RIMS2: variants seen among roughly 807,000 people sequenced by gnomAD.
RIMS2 encodes the protein regulating synaptic membrane exocytosis 2.
Under a neutral mutation model 174.4 loss-of-function variants are expected in RIMS2, and 59 were observed. The ratio of observed to expected loss-of-function variants is 0.34; its 90% CI spans 0.27 to 0.42. RIMS2 has a LOEUF of 0.42. RIMS2 is among the 10% of genes least tolerant of loss of function. The pLI, the probability that RIMS2 is intolerant of heterozygous loss-of-function variation, is 1.00. For missense variants in RIMS2, 1,620 were observed against 1,666.3 expected (o/e 0.97, Z 0.48); for synonymous variants, 606 against 572.5 (o/e 1.06, Z -0.84).
intron 1 of RIMS2, among the ~76,000 whole-genome samples, chr8:103,553,158 G>A (rs1466434945): frequency 6.6e-6 from 1 of 152,008 alleles, no homozygotes; most frequent in African/African-American, 2.4e-5. Context: ...TGTGTTTATT[G>A]TGGCACTATT....
chr8:103,989,393 G>A (rs779511583), exon 17 of RIMS2: 1 of 1,604,568 alleles, frequency 6.2e-7, no homozygotes, highest in South Asian at 1.1e-5. Context: ...TCGTGTCATG[G>A]ATGACCATTA....
At chr8:104,205,510 T>C (rs957886865) in intron 19 of RIMS2, among the ~76,000 whole-genome samples, 4 of 151,962 alleles carry the variant, frequency 2.6e-5, no homozygotes, top group Non-Finnish European at 4.4e-5. Flanking sequence ...TGTGTGTGTG[T>C]GCGCGCACAT....
chr8:103,640,056 ATTTG>A (rs2096192317), intron 1 of RIMS2, among the ~76,000 whole-genome samples: 1 of 151,728 alleles, frequency 6.6e-6, no homozygotes, highest in Non-Finnish European at 1.5e-5. Flanking sequence ...TTTGGTATGT[ATTTG>A]TTTGGTTTAT....
At chr8:103,872,202 C>T (rs182986262) in intron 3 of RIMS2, among the ~76,000 whole-genome samples, 59 of 152,312 alleles carry the variant, frequency 3.9e-4, no homozygotes, top group Non-Finnish European at 6.9e-4. Flanking sequence ...AGACTCTTGG[C>T]TCCAGCAGCC....
At chr8:104,047,044 A>G (rs961442482) in intron 19 of RIMS2, among the ~76,000 whole-genome samples, 1 of 152,082 alleles carries the variant, frequency 6.6e-6, no homozygotes, top group Admixed American at 6.6e-5. Context: ...CTTAAGCTCA[A>G]TTTACTAAAG....
intron 4 of RIMS2, among the ~76,000 whole-genome samples, chr8:103,904,533 G>A (rs1368442265): frequency 6.6e-6 from 1 of 151,854 alleles, no homozygotes; most frequent in African/African-American, 2.4e-5. Context: ...TTCTACATCA[G>A]CGCTCAATGG....
chr8:103,517,981 G>T (rs527937520), intron 1 of RIMS2, among the ~76,000 whole-genome samples: 10 of 151,946 alleles, frequency 6.6e-5, no homozygotes, highest in Non-Finnish European at 1.0e-4. Context: ...TTTATGTTGG[G>T]CCACATTCAA....
At chr8:103,876,782 T>C (rs530217721) in intron 3 of RIMS2, among the ~76,000 whole-genome samples, 1 of 148,788 alleles carries the variant, frequency 6.7e-6, no homozygotes, top group East Asian at 2.0e-4. Context: ...ACGTTCCTTT[T>C]TGTGGCTGAG....
At chr8:104,083,497 A>T (rs1236637716) in intron 19 of RIMS2, among the ~76,000 whole-genome samples, 1 of 152,206 alleles carries the variant, frequency 6.6e-6, no homozygotes, top group South Asian at 2.1e-4. Context: ...TTAAACATTC[A>T]TAAAAATCAT....
intron 17 of RIMS2, chr8:103,998,175 A>G (rs1174946740): frequency 1.3e-6 from 2 of 1,590,766 alleles, no homozygotes; most frequent in Non-Finnish European, 8.6e-7. Context: ...TGTTTCTGCC[A>G]TGCTTGCAGT....
intron 10 of RIMS2, among the ~76,000 whole-genome samples, chr8:103,926,902 G>A (rs532330628): frequency 6.6e-6 from 1 of 151,494 alleles, no homozygotes; most frequent in South Asian, 2.1e-4. Flanking sequence ...ATTTGATTCT[G>A]AGAGTTTGAT....
At chr8:104,176,293 T>A (rs1034255000) in intron 19 of RIMS2, among the ~76,000 whole-genome samples, 2 of 152,142 alleles carry the variant, frequency 1.3e-5, no homozygotes, top group Non-Finnish European at 2.9e-5. Flanking sequence ...ATAAGTAAGA[T>A]AATTGGTAGA....
intron 9 of RIMS2, 62 bp downstream of exon 12, chr8:103,918,549 G>A: frequency 8.8e-7 from 1 of 1,136,500 alleles, no homozygotes; most frequent in Non-Finnish European, 1.3e-6. Flanking sequence ...GAGATCAGAT[G>A]AAGTATTTAA....
chr8:103,875,795 T>C (rs1425572912), intron 3 of RIMS2, among the ~76,000 whole-genome samples: 1 of 152,056 alleles, frequency 6.6e-6, no homozygotes, highest in East Asian at 1.9e-4. Flanking sequence ...TGTTTAATAA[T>C]GGCCATTCTT....
At chr8:104,223,293 G>C in intron 19 of RIMS2, 1 of 830,912 alleles carries the variant, frequency 1.2e-6, no homozygotes, top group Non-Finnish European at 1.5e-6. Context: ...GGCGGGGACC[G>C]CAGCATCAGC....
chr8:103,733,023 G>T (rs2138980043), intron 2 of RIMS2, among the ~76,000 whole-genome samples: 1 of 152,232 alleles, frequency 6.6e-6, no homozygotes, highest in South Asian at 2.1e-4. Context: ...ACCATAGGCT[G>T]CAATGTGCTG....
chr8:104,195,406 T>A (rs1179373075), intron 19 of RIMS2, among the ~76,000 whole-genome samples: 1 of 152,162 alleles, frequency 6.6e-6, no homozygotes, highest in Non-Finnish European at 1.5e-5. Flanking sequence ...TTTGGGGATA[T>A]TTTGAGGTTT....
chr8:104,160,727 A>G (rs2098755968), intron 19 of RIMS2, among the ~76,000 whole-genome samples: 1 of 152,180 alleles, frequency 6.6e-6, no homozygotes, highest in South Asian at 2.1e-4. Context: ...ATTTTTATCA[A>G]CTACACTATT....
intron 1 of RIMS2, among the ~76,000 whole-genome samples, chr8:103,607,585 C>G (rs1468332984): frequency 6.8e-6 from 1 of 146,398 alleles, no homozygotes; most frequent in Non-Finnish European, 1.5e-5. Flanking sequence ...GGATAATATC[C>G]TGCAGAGTGT....
Sources: gnomAD v4.1 joint callset for allele counts (sites outside exome capture counted in the v4.1 genomes callset) on GRCh38, gnomAD v4.1.1 for gene constraint, MANE v1.5 for transcripts, NCBI Gene and HGNC (gene_info 2026-07-23, HGNC 2026-07-21) for gene names.